Variants in DSCAM observed in about 807,000 individuals in gnomAD.
The protein encoded by DSCAM is DS cell adhesion molecule, also known as cell adhesion molecule DSCAM.
DSCAM carries 47 observed loss-of-function variants against 217.7 expected under a neutral mutation model. The observed-to-expected ratio is 0.22, with a 90% CI of 0.17 to 0.28. DSCAM has a LOEUF of 0.28. Among genes scored for constraint, DSCAM ranks in the 10% least tolerant of loss-of-function variants. The pLI is 1.00. For missense variants in DSCAM, 2,080 were observed against 2,618.3 expected (o/e 0.79, Z 4.49); for synonymous variants, 1,056 against 1,015.3 (o/e 1.04, Z -0.76).
intron 3 of DSCAM, among the ~76,000 whole-genome samples, chr21:40,541,367 T>C (rs1213017171): frequency 6.6e-6 from 1 of 152,200 alleles, no homozygotes; most frequent in Non-Finnish European, 1.5e-5. Flanking sequence ...ATAAAGTGCG[T>C]GCTAGTAAGC....
Position 40,489,648 on chromosome 21 carries a change from G to A in DSCAM, c.509-120403C>T, listed in dbSNP as rs375453054. 6.6e-3 allele frequency among the ~76,000 whole-genome samples: 991 copies of A among 149,432 alleles called. 12 individuals are homozygous for A. The highest frequency in any genetic ancestry group is 0.023 in the African/African-American group (926 of 40,710). ...AAATTAGCCGGGCGTAGTGGCAGGC[G>A]CCTGTAGTCCCAGCTACTCGGGAGG... On this transcript the variant is annotated intron_variant, in intron 3 of 32. Transcript: ENST00000400454.
intron 18 of DSCAM, among the ~76,000 whole-genome samples, chr21:40,141,536 G>A (rs13046360): frequency 0.43 from 65,044 of 152,064 alleles, 17,104 homozygotes; most frequent in South Asian, 0.59. Context: ...GAATTGCTTG[G>A]GCCCGGGGAG....
intron 3 of DSCAM, among the ~76,000 whole-genome samples, chr21:40,508,817 T>C (rs142087849): frequency 0.013 from 1,770 of 131,754 alleles, 46 homozygotes; most frequent in African/African-American, 0.044. Flanking sequence ...TTTTACTTTT[T>C]TATAGAGACA....
chr21:40,776,189 T>C (rs1451523567), intron 1 of DSCAM, among the ~76,000 whole-genome samples: 1 of 152,152 alleles, frequency 6.6e-6, no homozygotes, highest in Non-Finnish European at 1.5e-5. Flanking sequence ...CCTTTAAAAA[T>C]ATAAATAAAT....
chr21:40,105,951 A>G (rs1292649416), intron 20 of DSCAM, among the ~76,000 whole-genome samples: 1 of 152,226 alleles, frequency 6.6e-6, no homozygotes, highest in Non-Finnish European at 1.5e-5. Flanking sequence ...CTGGGAATAA[A>G]GCCTACTTGA....
chr21:40,081,616 G>A (rs966537901), intron 24 of DSCAM, among the ~76,000 whole-genome samples: 11 of 152,010 alleles, frequency 7.2e-5, no homozygotes, highest in African/African-American at 2.2e-4. Flanking sequence ...TATTCCAGCC[G>A]CCCTACACAT....
chr21:40,103,970 A>G (rs1435907651), intron 20 of DSCAM, among the ~76,000 whole-genome samples: 5 of 152,052 alleles, frequency 3.3e-5, no homozygotes, highest in Non-Finnish European at 7.4e-5. Flanking sequence ...AATGTTTTGC[A>G]ACTATATTAA....
intron 3 of DSCAM, among the ~76,000 whole-genome samples, chr21:40,386,524 G>A (rs2075087380): frequency 6.6e-6 from 1 of 152,230 alleles, no homozygotes; most frequent in Non-Finnish European, 1.5e-5. Flanking sequence ...GCCCCGCAGC[G>A]TGGCACAGAG....
At chr21:40,524,212 A>G (rs1013589026) in intron 3 of DSCAM, among the ~76,000 whole-genome samples, 4 of 152,192 alleles carry the variant, frequency 2.6e-5, no homozygotes, top group African/African-American at 9.6e-5. Context: ...TTTCATGAAC[A>G]AATTTTTCAA....
rs57750960 is a variant in DSCAM, at chr21:40,781,992, CAAAAAAAA to C, written c.43+64619_43+64626del. Among the ~76,000 whole-genome samples the C allele has an allele frequency of 2.6e-4, 28 of 106,380 alleles. No homozygotes were observed. In the South Asian group the frequency reaches 8.1e-3, roughly 31 times the overall value. The allele number at this position is 106,380 out of a possible 152,430, so 69.8% of individuals were successfully genotyped here. The stretch of plus-strand genomic sequence containing the variant: ...TGAAACCCCATCTCTACTAAAAATA[CAAAAAAAA>C]AAAAAAAAAAGAAAAAAAAAATTAG... On this transcript the variant is annotated intron_variant, in intron 1 of 32. Transcript: ENST00000400454.
chr21:40,723,037 A>C, intron 1 of DSCAM, among the ~76,000 whole-genome samples: 1 of 152,244 alleles, frequency 6.6e-6, no homozygotes, highest in Non-Finnish European at 1.5e-5. Flanking sequence ...GCTGGAATTA[A>C]AGTGAAAAAT....
intron 21 of DSCAM, among the ~76,000 whole-genome samples, chr21:40,089,891 A>G (rs1236907152): frequency 6.6e-6 from 1 of 152,144 alleles, no homozygotes; most frequent in African/African-American, 2.4e-5. Flanking sequence ...AATCCACGCA[A>G]TAGAGCATTT....
intron 16 of DSCAM, among the ~76,000 whole-genome samples, chr21:40,145,278 C>G (rs1159062203): frequency 6.6e-6 from 1 of 152,104 alleles, no homozygotes; most frequent in Non-Finnish European, 1.5e-5. Context: ...GAAAAGACCC[C>G]CGTCCTCATG....
chr21:40,767,245 T>C (rs2091401580), intron 1 of DSCAM, among the ~76,000 whole-genome samples: 1 of 152,076 alleles, frequency 6.6e-6, no homozygotes. Flanking sequence ...GTAAGCAGGG[T>C]TGCCTTCTTC....
chr21:40,505,514 C>T (rs2076203192), intron 3 of DSCAM, among the ~76,000 whole-genome samples: 1 of 152,056 alleles, frequency 6.6e-6, no homozygotes, highest in Admixed American at 6.6e-5. Flanking sequence ...AGTCCCTTTA[C>T]AACAGCTGGT....
At chr21:40,628,739 ATC>A (rs2089640031) in intron 3 of DSCAM, among the ~76,000 whole-genome samples, 7 of 37,006 alleles carry the variant, frequency 1.9e-4, no homozygotes, top group Non-Finnish European at 3.9e-4. Context: ...CTATCTATCT[ATC>A]TATCTATCTT....
intron 15 of DSCAM, among the ~76,000 whole-genome samples, chr21:40,175,780 T>TACACACACACACAC (rs35339524): frequency 1.4e-5 from 2 of 144,850 alleles, no homozygotes; most frequent in Admixed American, 1.4e-4. Flanking sequence ...AACACACACA[T>TACACACACACACAC]ACACACACAC....
At chr21:40,130,792 C>A (rs1357736418) in intron 19 of DSCAM, among the ~76,000 whole-genome samples, 1 of 152,190 alleles carries the variant, frequency 6.6e-6, no homozygotes, top group Non-Finnish European at 1.5e-5. Flanking sequence ...ACAAATATTT[C>A]TATTGCAAAT....
At chr21:40,119,928 G>C (rs150529951) in intron 20 of DSCAM, among the ~76,000 whole-genome samples, 9 of 152,012 alleles carry the variant, frequency 5.9e-5, no homozygotes, top group Non-Finnish European at 1.2e-4. Flanking sequence ...TGAGATTCCT[G>C]CACATTTCTG....
Sources: allele counts gnomAD v4.1 joint callset (sites outside exome capture counted in the v4.1 genomes callset), GRCh38; gene constraint gnomAD v4.1.1; transcripts MANE v1.5; gene names NCBI Gene and HGNC (gene_info 2026-07-23, HGNC 2026-07-21).